Variants in BAZ2B observed in about 807,000 individuals in gnomAD.
BAZ2B encodes the protein bromodomain adjacent to zinc finger domain protein 2B.
A neutral mutation model predicts 246.0 loss-of-function variants in BAZ2B; 91 were observed. That is an observed-to-expected ratio of 0.37 (90% CI 0.31 to 0.44). BAZ2B has a LOEUF of 0.44. BAZ2B is among the 20% of genes least tolerant of loss of function. BAZ2B has a pLI of 1.00. For missense variants in BAZ2B, 2,332 were observed against 2,533.7 expected (o/e 0.92, Z 1.71); for synonymous variants, 855 against 860.0 (o/e 0.99, Z 0.10).
chr2:159,479,081 C>T (rs1344870402), intron 2 of BAZ2B, among the ~76,000 whole-genome samples: 1 of 152,072 alleles, frequency 6.6e-6, no homozygotes, highest in Non-Finnish European at 1.5e-5. Context: ...TCCTATGTTA[C>T]CTTAATGAAT....
At chr2:159,606,151 T>C (rs149371517) in intron 1 of BAZ2B, among the ~76,000 whole-genome samples, 2 of 152,364 alleles carry the variant, frequency 1.3e-5, no homozygotes, top group Admixed American at 6.5e-5. Flanking sequence ...AATCTTGATA[T>C]GTTCCAAAAG....
chr2:159,501,170 T>C (rs1176278234), intron 2 of BAZ2B, among the ~76,000 whole-genome samples: 1 of 106,418 alleles, frequency 9.4e-6, no homozygotes. Flanking sequence ...ATATATAATA[T>C]ATATTATATA....
At chr2:159,358,867 T>C (rs1008295576) in intron 27 of BAZ2B, among the ~76,000 whole-genome samples, 1 of 152,020 alleles carries the variant, frequency 6.6e-6, no homozygotes, top group South Asian at 2.1e-4. Flanking sequence ...GACTACTGGG[T>C]AAATAACGAA....
At chr2:159,599,129 T>C (rs1360537170) in intron 1 of BAZ2B, among the ~76,000 whole-genome samples, 1 of 151,976 alleles carries the variant, frequency 6.6e-6, no homozygotes, top group East Asian at 1.9e-4. Context: ...ACTCAACTTA[T>C]TGAGCAACTG....
intron 3 of BAZ2B, among the ~76,000 whole-genome samples, chr2:159,476,250 T>C (rs1354883333): frequency 1.3e-5 from 2 of 151,928 alleles, no homozygotes; most frequent in African/African-American, 4.8e-5. Flanking sequence ...ACTACAACAC[T>C]GTGAAAGTTA....
chr2:159,654,872 G>A, the BAZ2B span, among the ~76,000 whole-genome samples: 2 of 152,068 alleles, frequency 1.3e-5, no homozygotes, highest in Non-Finnish European at 1.5e-5. Context: ...CAGGAGAATC[G>A]CTTGAGCCTG....
intron 4 of BAZ2B, among the ~76,000 whole-genome samples, chr2:159,452,145 C>G (rs528344964): frequency 1.3e-5 from 2 of 152,170 alleles, no homozygotes; most frequent in African/African-American, 2.4e-5. Context: ...CTTAGCATCC[C>G]TGCTTCCCAG....
At chr2:159,378,895 G>A (rs1238778757) in intron 25 of BAZ2B, among the ~76,000 whole-genome samples, 1 of 152,140 alleles carries the variant, frequency 6.6e-6, no homozygotes, top group African/African-American at 2.4e-5. Flanking sequence ...ACTGTTGGGA[G>A]TGTGGGATTG....
intron 4 of BAZ2B, among the ~76,000 whole-genome samples, chr2:159,450,191 A>T (rs963849623): frequency 2.6e-5 from 4 of 152,168 alleles, no homozygotes; most frequent in African/African-American, 4.8e-5. Flanking sequence ...AAAAAATTTT[A>T]AAAAGTATTG....
chr2:159,664,119 A>G, the BAZ2B span, among the ~76,000 whole-genome samples: 2 of 35,224 alleles, frequency 5.7e-5, no homozygotes, highest in Non-Finnish European at 1.1e-4. Flanking sequence ...GAGTGAGAAT[A>G]TGCGGTGTTT....
intron 2 of BAZ2B, among the ~76,000 whole-genome samples, chr2:159,547,277 A>C (rs891858735): frequency 6.6e-6 from 1 of 152,164 alleles, no homozygotes; most frequent in African/African-American, 2.4e-5. Context: ...TGCATTTAAA[A>C]ATGCATTCAC....
chr2:159,475,632 G>A (rs1413907134), intron 3 of BAZ2B, among the ~76,000 whole-genome samples: 1 of 152,166 alleles, frequency 6.6e-6, no homozygotes, highest in Non-Finnish European at 1.5e-5. Context: ...GAGAAGAGGT[G>A]TTCCGGTTTT....
At chr2:159,678,909 T>A in the BAZ2B span, among the ~76,000 whole-genome samples, 1 of 152,190 alleles carries the variant, frequency 6.6e-6, no homozygotes, top group Non-Finnish European at 1.5e-5. Context: ...AGCTTATAAA[T>A]GGCATGATAC....
intron 31 of BAZ2B, among the ~76,000 whole-genome samples, chr2:159,339,638 T>C (rs2066281540): frequency 6.6e-6 from 1 of 152,136 alleles, no homozygotes; most frequent in Non-Finnish European, 1.5e-5. Flanking sequence ...TGCAGCAATA[T>C]TCACAATAGC....
intron 14 of BAZ2B, among the ~76,000 whole-genome samples, chr2:159,408,938 AAAG>A (rs1378248082): frequency 6.6e-6 from 1 of 152,130 alleles, no homozygotes. Flanking sequence ...AATAAAGAAA[AAAG>A]AAGAAGAAAA....
At chr2:159,704,938 G>A in the BAZ2B span, among the ~76,000 whole-genome samples, 1 of 151,646 alleles carries the variant, frequency 6.6e-6, no homozygotes, top group East Asian at 1.9e-4. Context: ...TCCTGACCTC[G>A]TGATCCGCCC....
the BAZ2B span, among the ~76,000 whole-genome samples, chr2:159,691,571 G>GA: frequency 6.6e-6 from 1 of 151,950 alleles, no homozygotes; most frequent in Non-Finnish European, 1.5e-5. Flanking sequence ...GTCTGAAATG[G>GA]AAAAAAAGGC....
intron 2 of BAZ2B, among the ~76,000 whole-genome samples, chr2:159,535,031 TAATA>T (rs1318824437): frequency 9.2e-5 from 14 of 152,320 alleles, no homozygotes; most frequent in African/African-American, 2.6e-4. Context: ...AGTATGCCAA[TAATA>T]AATAATTAAA....
intron 27 of BAZ2B, among the ~76,000 whole-genome samples, chr2:159,358,777 G>A (rs969800711): frequency 1.3e-5 from 2 of 152,196 alleles, no homozygotes; most frequent in Admixed American, 1.3e-4. Context: ...AGACCACAGT[G>A]CAATCAAATT....
Sources: gnomAD v4.1 joint callset for allele counts (sites outside exome capture counted in the v4.1 genomes callset) on GRCh38, gnomAD v4.1.1 for gene constraint, MANE v1.5 for transcripts, NCBI Gene and HGNC (gene_info 2026-07-23, HGNC 2026-07-21) for gene names.